Variants in OXCT1 observed in about 807,000 individuals in gnomAD.
OXCT1 encodes 3-oxoacid CoA-transferase 1.
Under a neutral mutation model 69.6 loss-of-function variants are expected in OXCT1, and 27 were observed. The observed-to-expected ratio is 0.39, with a 90% CI of 0.29 to 0.54. The LOEUF (loss-of-function observed/expected upper bound fraction) is 0.54. OXCT1 is among the 20% of genes least tolerant of loss of function. The probability of loss-of-function intolerance (pLI) is 0.72; values close to 1 mark genes in which losing one functional copy is unlikely to be tolerated. For missense variants in OXCT1, 437 were observed against 650.2 expected, an observed-to-expected ratio of 0.67 and a Z score of 3.57; for synonymous variants, 202 against 217.8, an observed-to-expected ratio of 0.93 and a Z score of 0.64.
At chr5:41,804,846 T>C (rs1285179681) in intron 9 of OXCT1, among the ~76,000 whole-genome samples, 1 of 152,140 alleles carries the variant, frequency 6.6e-6, no homozygotes. Flanking sequence ...CTAGGTCTTT[T>C]AAGTATGGCT....
chr5:41,746,087 GAC>G (rs1743472098), intron 15 of OXCT1, among the ~76,000 whole-genome samples: 1 of 152,038 alleles, frequency 6.6e-6, no homozygotes, highest in Non-Finnish European at 1.5e-5. Context: ...GCCTGGCAGA[GAC>G]ACAACAAAAA....
At chr5:41,819,127 T>C (rs1382058674) in intron 7 of OXCT1, among the ~76,000 whole-genome samples, 1 of 152,160 alleles carries the variant, frequency 6.6e-6, no homozygotes, top group Non-Finnish European at 1.5e-5. Flanking sequence ...ATAAGTTATA[T>C]TCTTAACACA....
intron 14 of OXCT1, among the ~76,000 whole-genome samples, chr5:41,755,123 C>G (rs1197335443): frequency 1.3e-5 from 2 of 152,054 alleles, no homozygotes; most frequent in Non-Finnish European, 2.9e-5. Flanking sequence ...TAGAAAGCCT[C>G]TGTTAGCATT....
intron 7 of OXCT1, among the ~76,000 whole-genome samples, chr5:41,819,803 A>G (rs74984682): frequency 0.023 from 3,508 of 152,052 alleles, 132 homozygotes; most frequent in African/African-American, 0.08. Flanking sequence ...ACCTTATTTT[A>G]TGAAGGGGCT....
intron 14 of OXCT1, 149 bp downstream of exon 14, chr5:41,761,962 T>C (rs1054396193): frequency 2.9e-6 from 2 of 699,828 alleles, no homozygotes; most frequent in African/African-American, 3.5e-5. Flanking sequence ...GTAACTGTTT[T>C]TGTCATCTTT....
intron 13 of OXCT1, among the ~76,000 whole-genome samples, chr5:41,781,300 T>C (rs939102029): frequency 6.6e-6 from 1 of 152,156 alleles, no homozygotes; most frequent in Admixed American, 6.5e-5. Flanking sequence ...CTACCCTTCA[T>C]TGTTAATACA....
intron 1 of OXCT1, among the ~76,000 whole-genome samples, chr5:41,866,760 T>C (rs921758693): frequency 2.0e-5 from 3 of 152,210 alleles, no homozygotes; most frequent in Non-Finnish European, 4.4e-5. Flanking sequence ...TGCATTGTTA[T>C]TGAGGGAACA....
chr5:41,774,025 A>G (rs1004392339), intron 13 of OXCT1, among the ~76,000 whole-genome samples: 4 of 152,214 alleles, frequency 2.6e-5, no homozygotes, highest in Non-Finnish European at 2.9e-5. Flanking sequence ...CAACATTACT[A>G]TATAGCTATA....
intron 14 of OXCT1, among the ~76,000 whole-genome samples, chr5:41,750,135 G>GTTTTTTTTTTTTTTT (rs11291155): frequency 1.6e-4 from 12 of 73,920 alleles, no homozygotes; most frequent in Admixed American, 3.3e-4. Context: ...GTGTTTTTTG[G>GTTTTTTTTTTTTTTT]TTTTTTTTTT....
chr5:41,794,045 C>T lies in OXCT1; in HGVS notation c.1206G>A (p.Met402Ile). The change falls in exon 13 of 17, where the codon ATG (methionine) becomes ATA (isoleucine). Residue 402 changes from methionine to isoleucine, a missense_variant. Physicochemically the swap from Met to Ile is conservative, Grantham distance 10. Transcript: ENST00000196371. Reference protein sequence around the residue: ...GHVDLTMLGAMQVSKYGDLAN... With the variant: ...GHVDLTMLGAIQVSKYGDLAN... ...CCAGGTCACCATATTTGGAAACCTG[C>T]ATCGCTCCTAGCATTGTCAGATCGA... 2 of 1,613,348 alleles carry T rather than the reference C, an allele frequency of 1.2e-6. No homozygotes were observed. Among genetic ancestry groups the T allele is most frequent in the Non-Finnish European group, 1.7e-6 (2 of 1,179,324 alleles).
At chr5:41,866,464 A>G (rs772407372) in intron 1 of OXCT1, among the ~76,000 whole-genome samples, 4 of 152,226 alleles carry the variant, frequency 2.6e-5, no homozygotes, top group African/African-American at 7.2e-5. Context: ...TTGAGAAACA[A>G]AAGTGGGGAG....
chr5:41,814,277 T>C (rs888328066), intron 7 of OXCT1, among the ~76,000 whole-genome samples: 1 of 152,166 alleles, frequency 6.6e-6, no homozygotes, highest in African/African-American at 2.4e-5. Context: ...TGAATGAACT[T>C]CAGCAGGGAT....
rs186159796 is a variant in OXCT1, at chr5:41,792,204, T to C, written c.1248+1799A>G. ...TTGTCACATGTATTCCTTCATATAG[T>C]CCTATAAAGTAGGTACTGTTATATG... is the stretch of plus-strand genomic sequence containing the variant. On this transcript the variant is annotated intron_variant, in intron 13 of 16. Coordinates refer to ENST00000196371, the MANE Select transcript of OXCT1 (RefSeq NM_000436.4). Among the ~76,000 whole-genome samples the C allele has an allele frequency of 8.3e-4, 127 of 152,300 alleles. 1 individual carries two copies. In the East Asian group the frequency reaches 0.021, roughly 25 times the overall value.
In OXCT1 at chr5:41,730,166, T is replaced by A. The variant is rs1742538650; in HGVS notation, c.*1563A>T. The stretch of plus-strand genomic sequence containing the variant: ...AAGTCATCTACTTAGAATCACATTA[T>A]CTTAAAGATGCATACTGGAATGATA... On this transcript the variant is annotated 3_prime_UTR_variant, in exon 17 of 17. Coordinates refer to ENST00000196371, the MANE Select transcript of OXCT1 (RefSeq NM_000436.4). 1 of 152,230 alleles carries A rather than the reference T, an allele frequency of 6.6e-6. No homozygotes were observed. The highest frequency in any genetic ancestry group is 1.5e-5 in the Non-Finnish European group (1 of 68,040). 9.4% of individuals were successfully genotyped at this position (152,230 alleles called of 1,614,324 possible).
At chr5:41,745,158 C>T (rs1743404764) in intron 15 of OXCT1, among the ~76,000 whole-genome samples, 1 of 152,090 alleles carries the variant, frequency 6.6e-6, no homozygotes. Flanking sequence ...AAGTAAAGCA[C>T]TCCTCAGCAA....
chr5:41,748,660 G>A (rs2112043391), intron 15 of OXCT1, among the ~76,000 whole-genome samples: 1 of 152,068 alleles, frequency 6.6e-6, no homozygotes, highest in South Asian at 2.1e-4. Flanking sequence ...TGGCTTCTGG[G>A]AATAATAAGC....
intron 7 of OXCT1, among the ~76,000 whole-genome samples, chr5:41,838,342 C>A (rs1247746436): frequency 6.6e-6 from 1 of 152,168 alleles, no homozygotes; most frequent in African/African-American, 2.4e-5. Context: ...ACAGTTCTTA[C>A]AATTCAATCT....
intron 7 of OXCT1, 129 bp from the exon 8 acceptor site, chr5:41,807,567 C>G (rs555159343): frequency 1.6e-5 from 11 of 669,512 alleles, no homozygotes; most frequent in African/African-American, 1.6e-4. Flanking sequence ...GGACATATAT[C>G]TATGTATGTA....
intron 16 of OXCT1, among the ~76,000 whole-genome samples, chr5:41,734,930 C>G (rs1315566058): frequency 6.6e-6 from 1 of 152,094 alleles, no homozygotes; most frequent in Non-Finnish European, 1.5e-5. Flanking sequence ...AGAATGGCCA[C>G]TATTAAACAG....
Sources: gnomAD v4.1 joint callset for allele counts (sites outside exome capture counted in the v4.1 genomes callset) on GRCh38, gnomAD v4.1.1 for gene constraint, MANE v1.5 for transcripts, NCBI Gene and HGNC (gene_info 2026-07-23, HGNC 2026-07-21) for gene names.